Variants in ILDR2 observed in about 807,000 individuals in gnomAD.
The protein encoded by ILDR2 is immunoglobulin like domain containing receptor 2.
In ILDR2, 25 loss-of-function variants were observed where a neutral mutation model predicts 66.8. The ratio of observed to expected loss-of-function variants is 0.37; its 90% confidence interval spans 0.27 to 0.52. The LOEUF (loss-of-function observed/expected upper bound fraction) is 0.52, where lower values mean the gene tolerates loss of function less well. ILDR2 is among the 20% of genes least tolerant of loss of function. ILDR2 has a pLI of 0.88. For synonymous variants in ILDR2, 367 were observed against 357.2 expected (o/e 1.03, Z -0.31); for missense variants, 827 against 876.8 (o/e 0.94, Z 0.72).
intron 3 of ILDR2, among the ~76,000 whole-genome samples, chr1:166,951,560 A>G (rs1282483307): frequency 6.6e-6 from 1 of 152,198 alleles, no homozygotes; most frequent in Non-Finnish European, 1.5e-5. Flanking sequence ...GATCTTTAGG[A>G]GATACTTTCT....
At position 166,933,501 on chromosome 1, in the gene ILDR2, C is replaced by T. The variant is rs920828789; in HGVS notation, c.880+1800G>A. Reference sequence around the variant, plus strand: ...CAACCCTGGAACTACCTTACCTTGACATTTCTATTTTAATGCCACTTCTAG... The same window carrying T: ...CAACCCTGGAACTACCTTACCTTGATATTTCTATTTTAATGCCACTTCTAG... On this transcript the variant is annotated intron_variant, in intron 6 of 9. Transcript: ENST00000271417. The T allele has an allele frequency of 1.1e-5, 11 of 962,770 alleles. 1 individual carries two copies. The highest frequency in any genetic ancestry group is 1.2e-4 in the Admixed American group (2 of 16,240). The allele number at this position is 962,770 out of a possible 1,614,324, so 59.6% of individuals were successfully genotyped here. A position where few individuals can be genotyped will look rare whatever the true frequency, so the allele number is the denominator to read the frequency against.
intron 2 of ILDR2, chr1:166,896,248 G>C (rs1296942223): frequency 6.5e-6 from 1 of 152,904 alleles, no homozygotes; most frequent in Non-Finnish European, 1.5e-5. Flanking sequence ...GTAGAAGTGA[G>C]AAATAGAATG....
At chr1:166,951,762 T>G (rs1372691854) in intron 3 of ILDR2, among the ~76,000 whole-genome samples, 1 of 152,214 alleles carries the variant, frequency 6.6e-6, no homozygotes, top group Non-Finnish European at 1.5e-5. Context: ...AACCATCTTG[T>G]TTATCGTAAT....
At position 166,935,308 on chromosome 1, in the gene ILDR2, G is replaced by T. The variant is rs775524987; in HGVS notation, c.873C>A (p.Ser291Arg). ...PLAPSDSTGG[S>R]HSVRKGYRIQ... ...GTCTGGAACTACATTTACCACTGTG[G>T]CTTCCTCCAGTGGAGTCACTTGGTG... The change falls in exon 6 of 10, where the codon AGC becomes AGA. Residue 291 changes from serine to arginine, a missense_variant. Ser to Arg is a moderately radical substitution (Grantham distance 110). Transcript: ENST00000271417. The T allele has an allele frequency of 1.2e-6, 2 of 1,614,142 alleles. No individual in the cohort carries two copies. The highest frequency in any genetic ancestry group is 3.3e-5 in the Admixed American group (2 of 60,020).
intron 3 of ILDR2, among the ~76,000 whole-genome samples, chr1:166,947,073 T>C (rs1661657139): frequency 6.6e-6 from 1 of 152,170 alleles, no homozygotes; most frequent in African/African-American, 2.4e-5. Flanking sequence ...AGTGCTATAG[T>C]GATTCAACCT....
In ILDR2 at chr1:166,908,432, C is replaced by T. The variant is rs1659392046; in HGVS notation, c.*10923G>A. On this transcript the variant is annotated 3_prime_UTR_variant, in exon 10 of 10. Coordinates refer to ENST00000271417, the MANE Select transcript of ILDR2 (RefSeq NM_199351.3). ...TAATCACCTCCCAAAGGCCTCATGC[C>T]CAAATACCATCACATTAGGATTAGG... The T allele has an allele frequency of 6.6e-6, 1 of 152,162 alleles. No individual in the cohort carries two copies. The highest frequency in any genetic ancestry group is 1.5e-5 in the Non-Finnish European group (1 of 68,058). The allele number at this position is 152,162 out of a possible 1,614,324, so 9.4% of individuals were successfully genotyped here. A position where few individuals can be genotyped will look rare whatever the true frequency, so the allele number is the denominator to read the frequency against.
At chr1:166,947,289 A>T (rs1661676550) in intron 3 of ILDR2, among the ~76,000 whole-genome samples, 1 of 152,188 alleles carries the variant, frequency 6.6e-6, no homozygotes, top group South Asian at 2.1e-4. Context: ...ACTGCCACAG[A>T]TACAAAGATA....
At position 166,920,816 on chromosome 1, in the gene ILDR2, G is replaced by C. The variant is rs766727495; in HGVS notation, c.1775C>G (p.Pro592Arg). The change falls in exon 9 of 10, where the codon CCG (proline) becomes CGG (arginine). Residue 592 changes from proline to arginine, a missense_variant. By Grantham distance (103) the Pro-to-Arg change is moderately radical (BLOSUM62 -2). Coordinates refer to ENST00000271417, the MANE Select transcript of ILDR2 (RefSeq NM_199351.3). Reference sequence around the variant, plus strand: ...GGTCAGCTCCAGCTCGCTGTAGGGCGGCAGCGCGTCGTCGGACGCGTCCTC... The same window carrying C: ...GGTCAGCTCCAGCTCGCTGTAGGGCCGCAGCGCGTCGTCGGACGCGTCCTC... ...DQEDASDDALPPYSELELTRG... is the reference protein window; with the variant it reads ...DQEDASDDALRPYSELELTRG... The C allele has an allele frequency of 5.2e-6, 8 of 1,526,120 alleles. No individual in the cohort carries two copies. In the South Asian group the frequency reaches 6.1e-5, roughly 12 times the overall value. The allele number at this position is 1,526,120 out of a possible 1,614,324, so 94.5% of individuals were successfully genotyped here.
At position 166,927,127 on chromosome 1, in the gene ILDR2, G is replaced by C. The variant is rs763319470; in HGVS notation, c.934C>G (p.Leu312Val). 1 of 1,613,804 alleles carries C rather than the reference G, an allele frequency of 6.2e-7. No individual in the cohort carries two copies. The highest frequency in any genetic ancestry group is 8.5e-7 in the Non-Finnish European group (1 of 1,179,880). Residue 312 changes from leucine (L) to valine (V), a missense_variant, in exon 7 of 10, where the codon CTG (leucine) becomes GTG (valine). This residue lies in a region of ILDR2 where 437 missense variants were observed against 523.2 expected (regional missense o/e 0.84). Coordinates refer to ENST00000271417, the MANE Select transcript of ILDR2 (RefSeq NM_199351.3). ...ADKERDSMKV[L>V]YYVEKELAQF... ...GCCAGCTCCTTCTCAACATAGTACA[G>C]GACCTTCATGGAGTCTCTCTCTTTG...
intron 1 of ILDR2, among the ~76,000 whole-genome samples, chr1:166,962,009 T>C (rs934425929): frequency 3.3e-5 from 5 of 152,176 alleles, no homozygotes; most frequent in African/African-American, 4.8e-5. Flanking sequence ...TAAAGGTAGA[T>C]CTGGAGAAGA....
intron 3 of ILDR2, among the ~76,000 whole-genome samples, chr1:166,952,636 A>G (rs1055269329): frequency 5.9e-5 from 9 of 152,340 alleles, no homozygotes; most frequent in Admixed American, 1.3e-4. Context: ...AATCTAGACA[A>G]TAACAACTAT....
Position 166,943,155 on chromosome 1 carries a change from A to G in ILDR2, c.500-3585T>C, listed in dbSNP as rs74119518. On this transcript the variant is annotated intron_variant, in intron 3 of 9. Coordinates refer to ENST00000271417, the MANE Select transcript of ILDR2 (RefSeq NM_199351.3). Reference sequence around the variant, plus strand: ...AACATAGTAGGAGTTTTGGGAGAGCAGACAATACCAATATATCATGTCAAC... The same window carrying G: ...AACATAGTAGGAGTTTTGGGAGAGCGGACAATACCAATATATCATGTCAAC... Among the ~76,000 whole-genome samples the G allele has an allele frequency of 5.0e-3, 762 of 152,324 alleles. 7 individuals are homozygous for G. The highest frequency in any genetic ancestry group is 0.018 in the African/African-American group (733 of 41,566).
chr1:166,959,984 A>T (rs1662514708), intron 1 of ILDR2, among the ~76,000 whole-genome samples: 1 of 152,190 alleles, frequency 6.6e-6, no homozygotes, highest in Non-Finnish European at 1.5e-5. Flanking sequence ...CAGTGTTCAC[A>T]ATGACATCCT....
intron 3 of ILDR2, among the ~76,000 whole-genome samples, chr1:166,951,097 T>C (rs1661950399): frequency 6.6e-6 from 1 of 152,258 alleles, no homozygotes; most frequent in Non-Finnish European, 1.5e-5. Context: ...AGGAAGTTAC[T>C]CTTTTTCACT....
intron 3 of ILDR2, among the ~76,000 whole-genome samples, chr1:166,941,089 C>A (rs191717655): frequency 6.6e-6 from 1 of 152,300 alleles, no homozygotes; most frequent in East Asian, 1.9e-4. Context: ...AGTGTGGTAG[C>A]ATGTGTCCTA....
intron 1 of ILDR2, among the ~76,000 whole-genome samples, chr1:166,963,833 G>A (rs1466799962): frequency 6.6e-6 from 1 of 152,142 alleles, no homozygotes; most frequent in Admixed American, 6.6e-5. Context: ...GGCAGACATA[G>A]AGAAGCACTG....
At chr1:166,949,780 AT>A (rs568585163) in intron 3 of ILDR2, among the ~76,000 whole-genome samples, 1 of 151,850 alleles carries the variant, frequency 6.6e-6, no homozygotes, top group Non-Finnish European at 1.5e-5. Context: ...CCTTCAATGC[AT>A]TTTTTTTCTG....
chr1:166,938,538 T>C (rs923180465), intron 4 of ILDR2, among the ~76,000 whole-genome samples: 1 of 152,218 alleles, frequency 6.6e-6, no homozygotes, highest in Non-Finnish European at 1.5e-5. Flanking sequence ...ATTTGTGTCC[T>C]TGGGAGCAAC....
intron 3 of ILDR2, among the ~76,000 whole-genome samples, chr1:166,956,168 A>G (rs113679606): frequency 4.9e-4 from 74 of 152,326 alleles, no homozygotes; most frequent in African/African-American, 1.7e-3. Context: ...TAACTTGGAC[A>G]CTTTCAGGTT....
Sources: gnomAD v4.1 joint callset for allele counts (sites outside exome capture counted in the v4.1 genomes callset) on GRCh38, gnomAD v4.1.1 for gene constraint, gnomAD v4.1.1 regional missense constraint, MANE v1.5 for transcripts, NCBI Gene and HGNC (gene_info 2026-07-23, HGNC 2026-07-21) for gene names.